The following ARHGAP24 variants were observed in gnomAD, a reference collection of about 807,000 sequenced individuals.
The protein encoded by ARHGAP24 is Rho GTPase activating protein 24.
Under a neutral mutation model 76.4 loss-of-function variants are expected in ARHGAP24, and 50 were observed. The ratio of observed to expected loss-of-function variants is 0.65; its 90% CI spans 0.52 to 0.83. The LOEUF is 0.83. ARHGAP24 is among the 40% of genes least tolerant of loss of function. The pLI is 0.00. For missense variants in ARHGAP24, 930 were observed against 914.2 expected (o/e 1.02, Z -0.22); for synonymous variants, 345 against 323.3 (o/e 1.07, Z -0.72).
intron 3 of ARHGAP24, among the ~76,000 whole-genome samples, chr4:85,781,636 T>A (rs1488271855): frequency 6.7e-6 from 1 of 149,224 alleles, no homozygotes; most frequent in Non-Finnish European, 1.5e-5. Flanking sequence ...AAGCATCAGA[T>A]GGTGTATATG....
At chr4:85,910,182 G>C (rs1578376252) in intron 3 of ARHGAP24, among the ~76,000 whole-genome samples, 1 of 152,206 alleles carries the variant, frequency 6.6e-6, no homozygotes, top group Non-Finnish European at 1.5e-5. Flanking sequence ...ACGCAGTGGT[G>C]CCCAGAAGCT....
At chr4:85,850,379 T>C (rs992173697) in intron 3 of ARHGAP24, among the ~76,000 whole-genome samples, 2 of 152,212 alleles carry the variant, frequency 1.3e-5, no homozygotes, top group African/African-American at 4.8e-5. Context: ...ATCAATTTTG[T>C]TGATCTTTTC....
At chr4:85,623,056 A>G (rs1720782970) in intron 2 of ARHGAP24, among the ~76,000 whole-genome samples, 1 of 151,700 alleles carries the variant, frequency 6.6e-6, no homozygotes, top group East Asian at 1.9e-4. Flanking sequence ...TTGCCTGTTC[A>G]CTCTCATGTA....
rs1297948051 is a variant in ARHGAP24, at chr4:85,590,161, TCTGC to T, written c.180+19471_180+19474del. On this transcript the variant is annotated intron_variant, in intron 2 of 9. Coordinates refer to ENST00000395184, the MANE Select transcript of ARHGAP24 (RefSeq NM_001025616.3). Reference sequence around the variant, plus strand: ...TTGGAATGAGAAAACTAACTTTCTTTCTGCCTGCCTGCCTGCCTGCCTGCCTGCC... The same window carrying T: ...TTGGAATGAGAAAACTAACTTTCTTTCTGCCTGCCTGCCTGCCTGCCTGCC... Among the ~76,000 whole-genome samples the T allele has an allele frequency of 1.7e-3, 239 of 143,412 alleles. 1 individual carries two copies. The highest frequency in any genetic ancestry group is 3.5e-3 in the Middle Eastern group (1 of 288). 94.1% of individuals were successfully genotyped at this position (143,412 alleles called of 152,430 possible).
chr4:85,752,074 C>G (rs74631338), intron 3 of ARHGAP24, among the ~76,000 whole-genome samples: 2,073 of 152,184 alleles, frequency 0.014, 39 homozygotes, highest in African/African-American at 0.047. Context: ...CGCCACATAG[C>G]CATACAAGCA....
At chr4:85,883,483 T>C (rs7693907) in intron 3 of ARHGAP24, among the ~76,000 whole-genome samples, 151,167 of 152,274 alleles carry the variant, frequency 0.99, 75,045 homozygotes, top group Middle Eastern at 1. Flanking sequence ...AAAGACCCAA[T>C]GGCAATGAAC....
intron 2 of ARHGAP24, among the ~76,000 whole-genome samples, chr4:85,687,222 G>A (rs1459394256): frequency 6.6e-6 from 1 of 152,100 alleles, no homozygotes; most frequent in South Asian, 2.1e-4. Context: ...GTGGTACTTG[G>A]TTTATTTATC....
chr4:85,539,553 A>T (rs4693703), intron 1 of ARHGAP24, among the ~76,000 whole-genome samples: 39,713 of 152,076 alleles, frequency 0.26, 6,739 homozygotes, highest in East Asian at 0.79. Context: ...AAATTCTGTT[A>T]TTATAGAAAA....
At chr4:85,997,337 TAGATAGAG>T (rs1371592022) in intron 9 of ARHGAP24, among the ~76,000 whole-genome samples, 2 of 149,450 alleles carry the variant, frequency 1.3e-5, no homozygotes, top group Admixed American at 6.6e-5. Context: ...GATAGATAGA[TAGATAGAG>T]AGATAGATAA....
At chr4:85,533,517 C>T (rs1050427418) in intron 1 of ARHGAP24, among the ~76,000 whole-genome samples, 1 of 152,204 alleles carries the variant, frequency 6.6e-6, no homozygotes, top group Non-Finnish European at 1.5e-5. Context: ...CTCTCATATT[C>T]CATGCCTTTG....
chr4:85,960,414 G>A (rs952563616), intron 5 of ARHGAP24, among the ~76,000 whole-genome samples: 5 of 152,116 alleles, frequency 3.3e-5, no homozygotes, highest in African/African-American at 4.8e-5. Context: ...ACATACCCAA[G>A]AGGACATCAC....
At chr4:85,890,115 C>T (rs543401280) in intron 3 of ARHGAP24, among the ~76,000 whole-genome samples, 1 of 152,046 alleles carries the variant, frequency 6.6e-6, no homozygotes, top group Non-Finnish European at 1.5e-5. Context: ...ATCACTGGAC[C>T]GATGAAAGGT....
chr4:85,737,124 T>C (rs912405064), intron 3 of ARHGAP24, among the ~76,000 whole-genome samples: 4 of 151,954 alleles, frequency 2.6e-5, no homozygotes, highest in African/African-American at 9.7e-5. Context: ...ATGGTTTTGT[T>C]TGTTTGTTTG....
intron 2 of ARHGAP24, among the ~76,000 whole-genome samples, chr4:85,670,801 A>T (rs1722791182): frequency 6.6e-6 from 1 of 152,180 alleles, no homozygotes; most frequent in Non-Finnish European, 1.5e-5. Context: ...ACCAACTAAT[A>T]GTCAAGCTGA....
intron 3 of ARHGAP24, among the ~76,000 whole-genome samples, chr4:85,793,616 A>C (rs1728220329): frequency 6.6e-6 from 1 of 152,202 alleles, no homozygotes; most frequent in Non-Finnish European, 1.5e-5. Context: ...GATGACCCTC[A>C]TTTTGTGTAT....
At chr4:85,659,824 C>T (rs1722311689) in intron 2 of ARHGAP24, among the ~76,000 whole-genome samples, 2 of 152,240 alleles carry the variant, frequency 1.3e-5, no homozygotes, top group African/African-American at 4.8e-5. Flanking sequence ...TCATTCCTCC[C>T]CTATTCTGGA....
intron 3 of ARHGAP24, among the ~76,000 whole-genome samples, chr4:85,791,550 T>G (rs1024890988): frequency 2.6e-5 from 4 of 152,204 alleles, no homozygotes; most frequent in African/African-American, 9.7e-5. Flanking sequence ...CATGGCCAGA[T>G]AACTTGCTTT....
Position 85,492,713 on chromosome 4 carries a change from T to G in ARHGAP24, c.-21+17154T>G, listed in dbSNP as rs9997780. ...AAATCTATATTTTATTTTTTTAACT[T>G]TTTATTTCAAAATAATTTGAAACAT... On this transcript the variant is annotated intron_variant, in intron 1 of 9. Transcript: ENST00000395184. Among the ~76,000 whole-genome samples the G allele has an allele frequency of 1.4e-3, 218 of 152,346 alleles. 1 individual carries two copies. Among genetic ancestry groups the G allele is most frequent in the African/African-American group, 5.1e-3 (213 of 41,590 alleles).
In ARHGAP24 at chr4:86,000,883, A is replaced by G. The variant is rs959691964; in HGVS notation, c.*161A>G. 16 of 1,055,262 alleles carry G rather than the reference A, an allele frequency of 1.5e-5. No homozygotes were observed. In the Admixed American group the frequency reaches 2.1e-4, roughly 14 times the overall value. 65.4% of individuals were successfully genotyped at this position (1,055,262 alleles called of 1,614,324 possible). On this transcript the variant is annotated 3_prime_UTR_variant, in exon 10 of 10. Coordinates refer to ENST00000395184, the MANE Select transcript of ARHGAP24 (RefSeq NM_001025616.3). ...TTAAACATCCATATCTGCAATGTGTACCAAAGTTATATCATGCCCCATAAT... is the reference window on the plus strand; with the variant it reads ...TTAAACATCCATATCTGCAATGTGTGCCAAAGTTATATCATGCCCCATAAT...
Sources: gnomAD v4.1 joint callset for allele counts (sites outside exome capture counted in the v4.1 genomes callset) on GRCh38, gnomAD v4.1.1 for gene constraint, MANE v1.5 for transcripts, NCBI Gene and HGNC (gene_info 2026-07-23, HGNC 2026-07-21) for gene names.